GSG1L: variants seen among roughly 807,000 people sequenced by gnomAD.
GSG1L encodes germ cell-specific gene 1-like protein.
In GSG1L, 24 loss-of-function variants were observed where a neutral mutation model predicts 42.1. That is an observed-to-expected ratio of 0.57 (90% CI 0.41 to 0.80). The LOEUF is 0.80. Ranked by LOEUF, GSG1L falls within the 30% of genes least tolerant of loss-of-function variation. GSG1L has a pLI of 0.00. For missense variants in GSG1L, 445 were observed against 472.2 expected (o/e 0.94, Z 0.53); for synonymous variants, 215 against 203.5 (o/e 1.06, Z -0.48).
chr16:28,017,246 A>C (rs1056041146), intron 1 of GSG1L, among the ~76,000 whole-genome samples: 27 of 152,212 alleles, frequency 1.8e-4, no homozygotes, highest in African/African-American at 6.5e-4. Flanking sequence ...AATGACACAC[A>C]GGGAAAGGCA....
intron 2 of GSG1L, among the ~76,000 whole-genome samples, chr16:27,940,343 C>T (rs546490512): frequency 0.051 from 7,508 of 146,670 alleles, 638 homozygotes; most frequent in African/African-American, 0.18. Flanking sequence ...CCCAGCCATC[C>T]CATTACTGGG....
At chr16:27,891,612 A>G (rs1384105108) in intron 2 of GSG1L, among the ~76,000 whole-genome samples, 1 of 152,108 alleles carries the variant, frequency 6.6e-6, no homozygotes, top group African/African-American at 2.4e-5. Context: ...AGCTGGAACT[A>G]CAGGCACTCA....
chr16:27,932,670 G>C (rs1243073940), intron 2 of GSG1L, among the ~76,000 whole-genome samples: 1 of 152,096 alleles, frequency 6.6e-6, no homozygotes. Context: ...ATAGATTTGG[G>C]TGGGGACACA....
intron 1 of GSG1L, among the ~76,000 whole-genome samples, chr16:28,047,887 C>T (rs938981416): frequency 1.3e-5 from 2 of 152,010 alleles, no homozygotes; most frequent in Non-Finnish European, 2.9e-5. Flanking sequence ...CCTACCTCAT[C>T]CAGCTTTTGG....
chr16:27,831,206 C>T (rs2083271527), intron 4 of GSG1L, among the ~76,000 whole-genome samples: 1 of 152,170 alleles, frequency 6.6e-6, no homozygotes. Flanking sequence ...GACCCTCTTG[C>T]CACCACCCAG....
chr16:28,046,059 T>G (rs2086154734), intron 1 of GSG1L, among the ~76,000 whole-genome samples: 1 of 152,210 alleles, frequency 6.6e-6, no homozygotes. Context: ...CATGAAATTC[T>G]CTATTTTGAA....
chr16:27,989,898 A>G (rs2085436920), intron 1 of GSG1L, among the ~76,000 whole-genome samples: 1 of 152,160 alleles, frequency 6.6e-6, no homozygotes, highest in African/African-American at 2.4e-5. Flanking sequence ...TATGCAGTTA[A>G]TTGCTTTATT....
At chr16:28,009,212 G>C (rs1346465369) in intron 1 of GSG1L, among the ~76,000 whole-genome samples, 1 of 152,072 alleles carries the variant, frequency 6.6e-6, no homozygotes, top group African/African-American at 2.4e-5. Context: ...CAATCATTGT[G>C]CTCCAGACCC....
At chr16:27,845,152 T>C (rs998011344) in intron 3 of GSG1L, 91 bp from the exon 4 acceptor site, 52 of 821,896 alleles carry the variant, frequency 6.3e-5, no homozygotes, top group Non-Finnish European at 9.7e-5. Flanking sequence ...TGCCTGCCTG[T>C]CTGCCTGTGA....
Position 27,840,986 on chromosome 16 carries a change from C to A in GSG1L, c.662+3964G>T, listed in dbSNP as rs1366921334. On this transcript the variant is annotated intron_variant, in intron 4 of 6. Coordinates refer to ENST00000447459, the MANE Select transcript of GSG1L (RefSeq NM_001109763.2). ...ACCCAGCAAGCACCACCCAGATGAGCCCGGTCCACCACCAAACGTAAGAAC... is the reference window on the plus strand; with the variant it reads ...ACCCAGCAAGCACCACCCAGATGAGACCGGTCCACCACCAAACGTAAGAAC... Among the ~76,000 whole-genome samples the A allele has an allele frequency of 8.5e-5, 13 of 152,306 alleles. No individual in the cohort carries two copies. The East Asian group carries it at 2.1e-3, about 25-fold the overall frequency.
At chr16:28,028,411 C>T (rs1033926462) in intron 1 of GSG1L, among the ~76,000 whole-genome samples, 1 of 151,952 alleles carries the variant, frequency 6.6e-6, no homozygotes, top group Non-Finnish European at 1.5e-5. Context: ...TTGACAAAGC[C>T]GGGATTGGAA....
chr16:27,886,629 C>G (rs2141026454), intron 2 of GSG1L, among the ~76,000 whole-genome samples: 1 of 152,218 alleles, frequency 6.6e-6, no homozygotes, highest in South Asian at 2.1e-4. Context: ...GGAAATACAG[C>G]CCAGGGGCTC....
At chr16:27,948,898 C>A (rs7206018) in intron 2 of GSG1L, among the ~76,000 whole-genome samples, 1 of 147,482 alleles carries the variant, frequency 6.8e-6, no homozygotes, top group African/African-American at 2.6e-5. Context: ...TGTGAACCAC[C>A]GCACCTGATC....
At chr16:27,809,324 G>A (rs1177727513) in intron 5 of GSG1L, among the ~76,000 whole-genome samples, 1 of 152,084 alleles carries the variant, frequency 6.6e-6, no homozygotes, top group Non-Finnish European at 1.5e-5. Flanking sequence ...GATTGCTTGA[G>A]CCCAGGAGAT....
At chr16:27,945,951 T>C (rs1193734276) in intron 2 of GSG1L, among the ~76,000 whole-genome samples, 1 of 152,228 alleles carries the variant, frequency 6.6e-6, no homozygotes, top group African/African-American at 2.4e-5. Flanking sequence ...CCTCAGCTGC[T>C]GCCTCCCTCC....
Position 27,791,343 on chromosome 16 carries a change from G to A in GSG1L, c.*27C>T. ...GGGGCTGGTGCCAGCGATGGCCTGA[G>A]GTCCGCGGGCCAGGTTGAGGTCTTG... On this transcript the variant is annotated 3_prime_UTR_variant, in exon 7 of 7. Coordinates refer to ENST00000447459, the MANE Select transcript of GSG1L (RefSeq NM_001109763.2). 1 of 1,337,148 alleles carries A rather than the reference G, an allele frequency of 7.5e-7. No individual in the cohort carries two copies. Among genetic ancestry groups the A allele is most frequent in the South Asian group, 2.0e-5 (1 of 48,836 alleles). The allele number at this position is 1,337,148 out of a possible 1,614,324, so 82.8% of individuals were successfully genotyped here.
intron 1 of GSG1L, among the ~76,000 whole-genome samples, chr16:27,964,534 A>T (rs1458957515): frequency 2.0e-5 from 3 of 152,250 alleles, no homozygotes; most frequent in African/African-American, 4.8e-5. Flanking sequence ...AACCATCAAC[A>T]GATGAATGGA....
intron 1 of GSG1L, among the ~76,000 whole-genome samples, chr16:28,042,094 G>T (rs2086112396): frequency 6.6e-6 from 1 of 152,158 alleles, no homozygotes; most frequent in South Asian, 2.1e-4. Context: ...TTCTTTCCAT[G>T]ATCACATCAC....
rs572070039 is a variant in GSG1L, at chr16:27,809,695, G to A, written c.831-2141C>T. 3.9e-5 allele frequency among the ~76,000 whole-genome samples: 6 copies of A among 152,124 alleles called. No individual in the cohort carries two copies. The East Asian group carries it at 9.7e-4, about 25-fold the overall frequency. ...CTTTTCTCTCACTTGTCTTGCAGCT[G>A]TCCTAAAATCTCTCTCACCCTGTCT... On this transcript the variant is annotated intron_variant, in intron 5 of 6. Transcript: ENST00000447459.
Sources: allele counts gnomAD v4.1 joint callset (sites outside exome capture counted in the v4.1 genomes callset), GRCh38; gene constraint gnomAD v4.1.1; transcripts MANE v1.5; gene names NCBI Gene and HGNC (gene_info 2026-07-23, HGNC 2026-07-21).